The following CWC27 variants were observed in gnomAD, a reference collection of about 807,000 sequenced individuals.
The protein encoded by CWC27 is spliceosome-associated protein CWC27 homolog.
In CWC27, 47 loss-of-function variants were observed where a neutral mutation model predicts 63.6. The ratio of observed to expected loss-of-function variants is 0.74; its 90% CI spans 0.58 to 0.94. CWC27 has a LOEUF of 0.94. Among genes scored for constraint, CWC27 ranks in the 40% least tolerant of loss-of-function variants. The probability of loss-of-function intolerance (pLI) is 0.00; values close to 1 mark genes in which losing one functional copy is unlikely to be tolerated. For synonymous variants in CWC27, 175 were observed against 179.8 expected, an observed-to-expected ratio of 0.97 and a Z score of 0.22; for missense variants, 495 against 554.3, an observed-to-expected ratio of 0.89 and a Z score of 1.07.
At chr5:64,917,692 A>G (rs957999335) in intron 11 of CWC27, among the ~76,000 whole-genome samples, 3 of 152,186 alleles carry the variant, frequency 2.0e-5, no homozygotes, top group Non-Finnish European at 4.4e-5. Context: ...CCATCTGCCT[A>G]TCTTCTTTGA....
intron 10 of CWC27, among the ~76,000 whole-genome samples, chr5:64,883,412 G>T (rs1263170467): frequency 6.6e-6 from 1 of 152,168 alleles, no homozygotes; most frequent in Non-Finnish European, 1.5e-5. Flanking sequence ...CTATATAGGA[G>T]TGATAGTTGA....
chr5:64,931,465 CT>C (rs940140245), intron 11 of CWC27, among the ~76,000 whole-genome samples: 9 of 145,082 alleles, frequency 6.2e-5, no homozygotes, highest in African/African-American at 2.0e-4. Context: ...TTGATAAACT[CT>C]TTTTTTTACA....
intron 11 of CWC27, among the ~76,000 whole-genome samples, chr5:64,904,603 CCTG>C (rs1277840063): frequency 2.0e-5 from 3 of 152,208 alleles, no homozygotes; most frequent in African/African-American, 7.2e-5. Context: ...AGCTACAATG[CCTG>C]CTATTAACTA....
chr5:64,989,699 G>C (rs1749498956), intron 13 of CWC27, among the ~76,000 whole-genome samples: 1 of 152,198 alleles, frequency 6.6e-6, no homozygotes, highest in South Asian at 2.1e-4. Flanking sequence ...TTGTGCTCTT[G>C]TGGGTGCTGT....
chr5:64,973,285 A>T (rs1031330359), intron 12 of CWC27, among the ~76,000 whole-genome samples: 7 of 152,174 alleles, frequency 4.6e-5, no homozygotes, highest in African/African-American at 1.7e-4. Flanking sequence ...AAGTGATATG[A>T]TCTCACTTTC....
chr5:64,873,122 T>TA (rs1479412368), intron 10 of CWC27, among the ~76,000 whole-genome samples: 1 of 152,130 alleles, frequency 6.6e-6, no homozygotes, highest in Non-Finnish European at 1.5e-5. Context: ...CACCTAAAAA[T>TA]ATTCTGTGAA....
chr5:64,785,261 A>G (rs1743842544), intron 4 of CWC27, among the ~76,000 whole-genome samples: 1 of 152,186 alleles, frequency 6.6e-6, no homozygotes, highest in African/African-American at 2.4e-5. Context: ...CATTAAATAT[A>G]TATTGGAAAT....
rs1749679472 is a variant in CWC27, at chr5:64,998,644, T to G, written c.1257-19515T>G. Among the ~76,000 whole-genome samples, 3 of 152,132 alleles carry G rather than the reference T, an allele frequency of 2.0e-5. No individual in the cohort carries two copies. The South Asian group carries it at 6.2e-4, about 31-fold the overall frequency. On this transcript the variant is annotated intron_variant, in intron 13 of 13. Transcript: ENST00000381070. ...CCAAACTGAGGGGGCAATATAACATTCCTTTAAAGTTCAGAAACAGGAGAT... is the reference window on the plus strand; with the variant it reads ...CCAAACTGAGGGGGCAATATAACATGCCTTTAAAGTTCAGAAACAGGAGAT...
At chr5:64,811,004 A>G (rs1744862299) in intron 10 of CWC27, among the ~76,000 whole-genome samples, 1 of 152,076 alleles carries the variant, frequency 6.6e-6, no homozygotes, top group African/African-American at 2.4e-5. Flanking sequence ...TGTGGCTGAT[A>G]AGGAATAAAA....
chr5:65,018,131 T>C (rs772507605), intron 13 of CWC27, 28 bp from the exon 14 acceptor site: 2 of 1,552,908 alleles, frequency 1.3e-6, no homozygotes, highest in East Asian at 2.3e-5. Flanking sequence ...ATGCAAGAAA[T>C]CACTGAACCA....
At chr5:64,918,964 A>G (rs1384152647) in intron 11 of CWC27, among the ~76,000 whole-genome samples, 1 of 152,228 alleles carries the variant, frequency 6.6e-6, no homozygotes, top group Admixed American at 6.5e-5. Flanking sequence ...ATGGTGTTAT[A>G]TAAATGTCAT....
chr5:64,958,153 TC>T (rs1194433549), intron 11 of CWC27, among the ~76,000 whole-genome samples: 2 of 152,134 alleles, frequency 1.3e-5, no homozygotes, highest in African/African-American at 4.8e-5. Flanking sequence ...TTTTAAAAAT[TC>T]CTAATTTAGA....
At chr5:64,850,130 C>G (rs1449210255) in intron 10 of CWC27, among the ~76,000 whole-genome samples, 1 of 150,494 alleles carries the variant, frequency 6.6e-6, no homozygotes, top group Non-Finnish European at 1.5e-5. Context: ...CAATTATGAG[C>G]AGAGAGAGCT....
At chr5:64,873,971 G>A (rs968273785) in intron 10 of CWC27, among the ~76,000 whole-genome samples, 1 of 151,990 alleles carries the variant, frequency 6.6e-6, no homozygotes. Context: ...TTGAAAATCA[G>A]TTGACTGTAA....
chr5:64,777,841 A>C (rs553492360), intron 2 of CWC27, among the ~76,000 whole-genome samples: 2 of 152,278 alleles, frequency 1.3e-5, no homozygotes, highest in South Asian at 2.1e-4. Flanking sequence ...ATTACTAATA[A>C]ATTACAAAGA....
intron 10 of CWC27, among the ~76,000 whole-genome samples, chr5:64,817,099 A>G (rs1265123373): frequency 1.3e-5 from 2 of 152,004 alleles, no homozygotes; most frequent in African/African-American, 2.4e-5. Flanking sequence ...TGGCCGTGCT[A>G]TTACCCACTT....
chr5:64,841,872 G>T (rs543745056), intron 10 of CWC27, among the ~76,000 whole-genome samples: 1 of 152,076 alleles, frequency 6.6e-6, no homozygotes, highest in African/African-American at 2.4e-5. Flanking sequence ...TAGAGATGGG[G>T]TTTCTCCATG....
chr5:64,984,549 C>G (rs946049434), intron 13 of CWC27, among the ~76,000 whole-genome samples: 1 of 152,160 alleles, frequency 6.6e-6, no homozygotes, highest in Non-Finnish European at 1.5e-5. Context: ...AATGAGCAAT[C>G]CAGTAGTAAT....
In CWC27 at chr5:64,855,273, GT is replaced by G. The variant is rs377687841; in HGVS notation, c.939-30166del. Among the ~76,000 whole-genome samples, 440 of 152,270 alleles carry G rather than the reference GT, an allele frequency of 2.9e-3. 4 individuals carry two copies. The highest frequency in any genetic ancestry group is 8.1e-3 in the East Asian group (42 of 5,190). On this transcript the variant is annotated intron_variant, in intron 10 of 13. Coordinates refer to ENST00000381070, the MANE Select transcript of CWC27 (RefSeq NM_005869.4). The stretch of plus-strand genomic sequence containing the variant: ...TCTCCAAGTAATTATTCAGAAGAGT[GT>G]TTTCAGTAGTATTTTATTTGCAGTG...
Sources: allele counts gnomAD v4.1 joint callset (sites outside exome capture counted in the v4.1 genomes callset), GRCh38; gene constraint gnomAD v4.1.1; transcripts MANE v1.5; gene names NCBI Gene and HGNC (gene_info 2026-07-23, HGNC 2026-07-21).